The following ARFGEF3 variants were observed in gnomAD, a reference collection of about 807,000 sequenced individuals.
The protein encoded by ARFGEF3 is brefeldin A-inhibited guanine nucleotide-exchange protein 3.
In ARFGEF3, 96 loss-of-function variants were observed where a neutral mutation model predicts 221.7. The observed-to-expected ratio is 0.43, with a 90% CI of 0.37 to 0.51. The LOEUF (loss-of-function observed/expected upper bound fraction) is 0.51. Among genes scored for constraint, ARFGEF3 ranks in the 20% least tolerant of loss-of-function variants. The pLI, the probability that ARFGEF3 is intolerant of heterozygous loss-of-function variation, is 0.00. For synonymous variants in ARFGEF3, 1,145 were observed against 1,126.8 expected, an observed-to-expected ratio of 1.02 and a Z score of -0.32; for missense variants, 2,410 against 2,789.9, an observed-to-expected ratio of 0.86 and a Z score of 3.07.
intron 2 of ARFGEF3, among the ~76,000 whole-genome samples, chr6:138,204,295 G>A (rs1189831808): frequency 6.8e-5 from 9 of 132,610 alleles, no homozygotes; most frequent in Admixed American, 3.7e-4. Context: ...CCGAGATCGC[G>A]CCATTGCACT....
intron 2 of ARFGEF3, among the ~76,000 whole-genome samples, chr6:138,190,412 A>G (rs1181394136): frequency 6.6e-6 from 1 of 152,040 alleles, no homozygotes; most frequent in Non-Finnish European, 1.5e-5. Flanking sequence ...ATATGAGCCG[A>G]GCATGTGTTT....
chr6:138,229,419 G>A (rs974457910), intron 4 of ARFGEF3, among the ~76,000 whole-genome samples: 2 of 152,230 alleles, frequency 1.3e-5, no homozygotes, highest in African/African-American at 4.8e-5. Flanking sequence ...GATAATTCAT[G>A]TGAAGTGCCT....
chr6:138,164,186 T>A (rs1226536961), intron 1 of ARFGEF3, among the ~76,000 whole-genome samples: 1 of 152,032 alleles, frequency 6.6e-6, no homozygotes, highest in African/African-American at 2.4e-5. Flanking sequence ...CCACTGCCCG[T>A]CACTGTTTAG....
chr6:138,309,633 C>T (rs773848381), intron 24 of ARFGEF3, among the ~76,000 whole-genome samples: 1 of 152,088 alleles, frequency 6.6e-6, no homozygotes, highest in East Asian at 1.9e-4. Flanking sequence ...AGAAGTCCCA[C>T]GATAGACCAT....
chr6:138,289,675 G>A (rs746105838), intron 17 of ARFGEF3, 143 bp from the exon 18 acceptor site: 24 of 824,198 alleles, frequency 2.9e-5, no homozygotes, highest in African/African-American at 1.9e-4. Flanking sequence ...ATGATGGTCC[G>A]CAAGGACCTA....
rs750887978 is a variant in ARFGEF3 at position 138,229,806 on chromosome 6, C to T, written c.374C>T (p.Thr125Met). ...VMKVLLCITY[T>M]PTFDLNGSAV... ...AAGGTTTTACTATGCATCACCTACA[C>T]GCCAACATTTGATCTGAATGGGAGT... is the stretch of plus-strand genomic sequence containing the variant. The change falls in exon 5 of 34, where the codon ACG (threonine) becomes ATG (methionine). Residue 125 changes from threonine to methionine, a missense_variant. Around this residue, in one of 5 missense-constraint regions of ARFGEF3, gnomAD observed 570 missense variants for 586.9 expected, o/e 0.97. Coordinates refer to ENST00000251691, the MANE Select transcript of ARFGEF3 (RefSeq NM_020340.5). The T allele has an allele frequency of 1.6e-5, 26 of 1,613,634 alleles. No individual in the cohort carries two copies. Among genetic ancestry groups the T allele is most frequent in the Middle Eastern group, 1.6e-4 (1 of 6,080 alleles).
intron 5 of ARFGEF3, among the ~76,000 whole-genome samples, chr6:138,234,743 T>C (rs1778254146): frequency 6.6e-6 from 1 of 152,206 alleles, no homozygotes; most frequent in Admixed American, 6.5e-5. Context: ...TAGCTTAATC[T>C]CTGATCCTTT....
intron 8 of ARFGEF3, among the ~76,000 whole-genome samples, chr6:138,248,434 C>T (rs1363200093): frequency 6.6e-6 from 1 of 152,096 alleles, no homozygotes; most frequent in Non-Finnish European, 1.5e-5. Flanking sequence ...ACGAAGACCA[C>T]CAGAACTACA....
intron 4 of ARFGEF3, among the ~76,000 whole-genome samples, chr6:138,227,128 T>G (rs1464359201): frequency 6.6e-6 from 1 of 152,136 alleles, no homozygotes; most frequent in Non-Finnish European, 1.5e-5. Context: ...TCCAACATCT[T>G]GTGAACATGG....
At chr6:138,312,907 G>A (rs999907723) in intron 25 of ARFGEF3, among the ~76,000 whole-genome samples, 22 of 152,014 alleles carry the variant, frequency 1.4e-4, no homozygotes, top group Non-Finnish European at 2.4e-4. Context: ...ACGGGGTTTC[G>A]CCATGTTGTC....
intron 5 of ARFGEF3, among the ~76,000 whole-genome samples, chr6:138,237,350 G>A (rs376926471): frequency 3.3e-5 from 5 of 151,860 alleles, no homozygotes; most frequent in Non-Finnish European, 7.4e-5. Context: ...TTTTGTTTTC[G>A]TGTCTCTAAA....
chr6:138,165,487 G>A (rs1424179798), intron 1 of ARFGEF3, among the ~76,000 whole-genome samples: 1 of 150,226 alleles, frequency 6.7e-6, no homozygotes, highest in Non-Finnish European at 1.5e-5. Flanking sequence ...GGAGAGAGGG[G>A]GTCATCCCCC....
At chr6:138,299,986 T>C (rs1427262760) in intron 22 of ARFGEF3, among the ~76,000 whole-genome samples, 1 of 149,320 alleles carries the variant, frequency 6.7e-6, no homozygotes, top group African/African-American at 2.5e-5. Context: ...GAGAAACTCA[T>C]GTCAACTCAG....
intron 2 of ARFGEF3, among the ~76,000 whole-genome samples, chr6:138,184,353 C>T (rs1481408739): frequency 6.6e-6 from 1 of 151,972 alleles, no homozygotes; most frequent in African/African-American, 2.4e-5. Context: ...CATAAGACAG[C>T]AGTTTGCAGA....
At position 138,334,505 on chromosome 6, in the gene ARFGEF3, C is replaced by T. The variant is rs762637273; in HGVS notation, c.5659C>T (p.Leu1887Phe). ...ACAGTGGCGGGCACGGATGCCCTTGCTCAGCGTCCAGCCTGTCAGCAACGC... is the reference window on the plus strand; with the variant it reads ...ACAGTGGCGGGCACGGATGCCCTTGTTCAGCGTCCAGCCTGTCAGCAACGC... Reference protein sequence around the residue: ...KRQWRARMPLLSVQPVSNADW... With the variant: ...KRQWRARMPLFSVQPVSNADW... The change falls in exon 33 of 34, where the codon CTC (leucine) becomes TTC (phenylalanine). Residue 1887 changes from leucine to phenylalanine, a missense_variant. Physicochemically the swap from Leu to Phe is conservative, Grantham distance 22. Around this residue, in one of 5 missense-constraint regions of ARFGEF3, gnomAD observed 723 missense variants for 991.9 expected, o/e 0.73. Coordinates refer to ENST00000251691, the MANE Select transcript of ARFGEF3 (RefSeq NM_020340.5). This position sits in a 1 kb window ranked among gnomAD's most constrained non-coding sequence, Gnocchi z 5.1. 4.3e-6 allele frequency: 7 copies of T among 1,610,608 alleles called. No homozygotes were observed. In the African/African-American group the frequency reaches 6.7e-5, roughly 15 times the overall value.
intron 5 of ARFGEF3, among the ~76,000 whole-genome samples, chr6:138,234,725 C>A (rs780489758): frequency 3.3e-5 from 5 of 152,114 alleles, no homozygotes; most frequent in Non-Finnish European, 5.9e-5. Context: ...ATTCCTTCTG[C>A]TTTTTTATAG....
In ARFGEF3 at chr6:138,323,780, C is replaced by G. The variant is rs750930241; in HGVS notation, c.4869+7C>G. The G allele has an allele frequency of 5.6e-6, 9 of 1,613,200 alleles. No homozygotes were observed. The Admixed American group carries it at 1.5e-4, about 27-fold the overall frequency. On this transcript the variant is annotated splice_region_variant and intron_variant, in intron 30 of 33. Transcript: ENST00000251691. ...CACACTCAAGCCAGTGAAGGTACAT[C>G]ACTGGGAGGAAGCCCTCCCTGGCAC...
chr6:138,280,277 A>G (rs1210568491), intron 14 of ARFGEF3, 113 bp downstream of exon 14: 3 of 1,007,998 alleles, frequency 3.0e-6, no homozygotes, highest in Non-Finnish European at 4.4e-6. Flanking sequence ...AACAGCACCC[A>G]CAAAGCTTCC....
rs541463948 is a variant in ARFGEF3 at position 138,181,183 on chromosome 6, C to T, written c.137+10470C>T. ...ACCTAAAAGCACTTTTTAAGTGATG[C>T]AGTCATCACTTAAAGAAGTCACCAC... On this transcript the variant is annotated intron_variant, in intron 2 of 33. Transcript: ENST00000251691. 4.6e-5 allele frequency among the ~76,000 whole-genome samples: 7 copies of T among 152,182 alleles called. No homozygotes were observed. In the East Asian group the frequency reaches 1.4e-3, roughly 29 times the overall value.
Sources: gnomAD v4.1 joint callset for allele counts (sites outside exome capture counted in the v4.1 genomes callset) on GRCh38, gnomAD v4.1.1 for gene constraint, gnomAD v4.1.1 regional missense constraint, Gnocchi (gnomAD v3.1) non-coding constraint, MANE v1.5 for transcripts, NCBI Gene and HGNC (gene_info 2026-07-23, HGNC 2026-07-21) for gene names.